The following DOCK1 variants were observed in gnomAD, a reference collection of about 807,000 sequenced individuals.
The protein encoded by DOCK1 is dedicator of cytokinesis 1.
A neutral mutation model predicts 262.7 loss-of-function variants in DOCK1; 138 were observed. The ratio of observed to expected loss-of-function variants is 0.53; its 90% CI spans 0.46 to 0.61. The LOEUF is 0.61. Ranked by LOEUF, DOCK1 falls within the 20% of genes least tolerant of loss-of-function variation. The pLI, the probability that DOCK1 is intolerant of heterozygous loss-of-function variation, is 0.00. For missense variants in DOCK1, 1,908 were observed against 2,370.7 expected, an observed-to-expected ratio of 0.80 and a Z score of 4.05; for synonymous variants, 866 against 867.4, an observed-to-expected ratio of 1.00 and a Z score of 0.03.
intron 32 of DOCK1, 21 bp from the exon 33 acceptor site, chr10:127,362,043 A>G (rs2064488013): frequency 6.3e-7 from 1 of 1,595,180 alleles, no homozygotes; most frequent in African/African-American, 1.4e-5. Flanking sequence ...ATTTCTGAAT[A>G]TTGTACCTCT....
intron 1 of DOCK1, among the ~76,000 whole-genome samples, chr10:126,909,807 G>C (rs1250692655): frequency 6.6e-6 from 1 of 152,216 alleles, no homozygotes; most frequent in Non-Finnish European, 1.5e-5. Context: ...CGTTGCTTTT[G>C]TTAACTTTTT....
intron 38 of DOCK1, among the ~76,000 whole-genome samples, chr10:127,392,483 T>C (rs1019237622): frequency 6.6e-6 from 1 of 152,136 alleles, no homozygotes; most frequent in Non-Finnish European, 1.5e-5. Context: ...CACAGCAACA[T>C]GGAACAGTGA....
rs1156439221 is a variant in DOCK1, at chr10:127,147,775, G to A, written c.2847+20011G>A. Among the ~76,000 whole-genome samples, 4 of 152,176 alleles carry A rather than the reference G, an allele frequency of 2.6e-5. No homozygotes were observed. The East Asian group carries it at 7.8e-4, about 30-fold the overall frequency. ...TGTCTGGGCACGGTGGCTCATGCCT[G>A]TAATCCTAGCACTTTGGGAAGTCGA... is the stretch of plus-strand genomic sequence containing the variant. On this transcript the variant is annotated intron_variant, in intron 27 of 51. Coordinates refer to ENST00000623213, the MANE Select transcript of DOCK1 (RefSeq NM_001290223.2).
intron 27 of DOCK1, among the ~76,000 whole-genome samples, chr10:127,164,955 T>C (rs2053946921): frequency 6.6e-6 from 1 of 152,232 alleles, no homozygotes; most frequent in Non-Finnish European, 1.5e-5. Flanking sequence ...GCCGAGTTGA[T>C]TAACTTATTT....
At chr10:126,996,161 A>G (rs2040173770) in intron 6 of DOCK1, among the ~76,000 whole-genome samples, 1 of 152,022 alleles carries the variant, frequency 6.6e-6, no homozygotes, top group African/African-American at 2.4e-5. Flanking sequence ...TGGGCAGATC[A>G]CCTGAGGTCA....
At chr10:127,016,179 A>G (rs1434864472) in intron 12 of DOCK1, 1 of 152,216 alleles carries the variant, frequency 6.6e-6, no homozygotes, top group Non-Finnish European at 1.5e-5. Context: ...GGTCTGCCCT[A>G]TGTCTCCAGT....
chr10:127,017,588 G>A, intron 12 of DOCK1, among the ~76,000 whole-genome samples: 1 of 151,568 alleles, frequency 6.6e-6, no homozygotes, highest in East Asian at 1.9e-4. Context: ...CAGACACACA[G>A]TGACTCACAC....
intron 2 of DOCK1, among the ~76,000 whole-genome samples, chr10:126,972,601 T>C (rs2134698799): frequency 6.6e-6 from 1 of 152,152 alleles, no homozygotes; most frequent in South Asian, 2.1e-4. Flanking sequence ...ATTGAAGACA[T>C]CCCGTAGTAA....
intron 27 of DOCK1, among the ~76,000 whole-genome samples, chr10:127,154,419 A>G (rs938375157): frequency 1.3e-5 from 2 of 152,240 alleles, no homozygotes; most frequent in African/African-American, 2.4e-5. Context: ...CTTGAAAAAA[A>G]ATTGAAAGCA....
chr10:127,377,536 A>G (rs1188389915), intron 35 of DOCK1, among the ~76,000 whole-genome samples: 2 of 152,208 alleles, frequency 1.3e-5, no homozygotes, highest in Admixed American at 6.5e-5. Context: ...GGTTTCTTAC[A>G]AAACACAGTT....
intron 27 of DOCK1, chr10:127,135,792 T>A (rs958601077): frequency 6.6e-6 from 1 of 152,656 alleles, no homozygotes; most frequent in African/African-American, 2.4e-5. Context: ...TACTAGGATG[T>A]CCTCTTGTTT....
chr10:127,308,404 A>G (rs936702559), intron 29 of DOCK1, among the ~76,000 whole-genome samples: 1 of 152,098 alleles, frequency 6.6e-6, no homozygotes, highest in African/African-American at 2.4e-5. Flanking sequence ...AAGCTTCTTT[A>G]TTCCTCTGAT....
chr10:127,371,720 C>T (rs1447519112), intron 33 of DOCK1, among the ~76,000 whole-genome samples: 1 of 152,176 alleles, frequency 6.6e-6, no homozygotes, highest in Non-Finnish European at 1.5e-5. Flanking sequence ...CAGCCCTCAT[C>T]AAACATTTAA....
rs61870294 is a variant in DOCK1 at position 127,369,172 on chromosome 10, C to T, written c.3433-4609C>T. On this transcript the variant is annotated intron_variant, in intron 33 of 51. Coordinates refer to ENST00000623213, the MANE Select transcript of DOCK1 (RefSeq NM_001290223.2). ...AATTGAATAGCCGGGTGAATGTCAG[C>T]GGCTCTGCCACTTGGTGGAAAGGCC... Among the ~76,000 whole-genome samples the T allele has an allele frequency of 7.1e-3, 1,079 of 152,292 alleles. 3 individuals are homozygous for T. The highest frequency in any genetic ancestry group is 0.011 in the Non-Finnish European group (762 of 68,028).
intron 23 of DOCK1, among the ~76,000 whole-genome samples, chr10:127,093,108 G>A (rs1486527586): frequency 6.6e-6 from 1 of 151,916 alleles, no homozygotes; most frequent in African/African-American, 2.4e-5. Context: ...GGCAGTCCTC[G>A]ATGTGCTGTG....
intron 30 of DOCK1, among the ~76,000 whole-genome samples, chr10:127,341,912 C>G (rs2063445702): frequency 6.6e-6 from 1 of 152,230 alleles, no homozygotes; most frequent in South Asian, 2.1e-4. Context: ...CGACCCATGT[C>G]TGCATGTACC....
At chr10:127,256,013 T>C (rs1348783212) in intron 28 of DOCK1, among the ~76,000 whole-genome samples, 1 of 152,194 alleles carries the variant, frequency 6.6e-6, no homozygotes, top group Non-Finnish European at 1.5e-5. Context: ...GTGGACACAG[T>C]GCCCACGTAC....
In DOCK1 at chr10:127,273,521, T is replaced by C. The variant is rs186839770; in HGVS notation, c.3044+16092T>C. Among the ~76,000 whole-genome samples, 313 of 152,358 alleles carry C rather than the reference T, an allele frequency of 2.1e-3. 1 individual carries two copies. Among genetic ancestry groups the C allele is most frequent in the African/African-American group, 7.1e-3 (296 of 41,602 alleles). ...AAACTGAATGTTACTGCTTCTACTT[T>C]ATTTAAGTAAATGGCCATCTCATTG... On this transcript the variant is annotated intron_variant, in intron 29 of 51. Coordinates refer to ENST00000623213, the MANE Select transcript of DOCK1 (RefSeq NM_001290223.2).
chr10:126,944,409 G>T lies in DOCK1; in HGVS notation c.47-26293G>T, dbSNP rs1029762562. 4.6e-5 allele frequency among the ~76,000 whole-genome samples: 7 copies of T among 152,198 alleles called. No homozygotes were observed. In the South Asian group the frequency reaches 1.5e-3, roughly 32 times the overall value. ...GTGTGGTCTCTGAACCTTGCAAGCGGACCTGCCGAGGCAGCTGTTGGGTGG... is the reference window on the plus strand; with the variant it reads ...GTGTGGTCTCTGAACCTTGCAAGCGTACCTGCCGAGGCAGCTGTTGGGTGG... On this transcript the variant is annotated intron_variant, in intron 1 of 51. Transcript: ENST00000623213.
Sources: gnomAD v4.1 joint callset for allele counts (sites outside exome capture counted in the v4.1 genomes callset) on GRCh38, gnomAD v4.1.1 for gene constraint, MANE v1.5 for transcripts, NCBI Gene and HGNC (gene_info 2026-07-23, HGNC 2026-07-21) for gene names.